Variants in MCMBP observed in about 807,000 individuals in gnomAD.
MCMBP encodes mini-chromosome maintenance complex-binding protein.
MCMBP carries 31 observed loss-of-function variants against 81.3 expected under a neutral mutation model. That is an observed-to-expected ratio of 0.38 (90% CI 0.29 to 0.51). The LOEUF (loss-of-function observed/expected upper bound fraction) is 0.51. Ranked by LOEUF, MCMBP falls within the 20% of genes least tolerant of loss-of-function variation. The pLI is 0.87. For missense variants in MCMBP, 645 were observed against 772.1 expected, an observed-to-expected ratio of 0.84 and a Z score of 1.95; for synonymous variants, 267 against 275.9, an observed-to-expected ratio of 0.97 and a Z score of 0.32.
intron 15 of MCMBP, 51 bp from the exon 16 acceptor site, chr10:119,831,651 T>C (rs1430230085): frequency 2.5e-6 from 4 of 1,590,134 alleles, no homozygotes; most frequent in Non-Finnish European, 2.6e-6. Flanking sequence ...GATAGTAAGT[T>C]TTAAATTTTT....
intron 15 of MCMBP, 47 bp from the exon 16 acceptor site, chr10:119,831,647 A>T: frequency 6.3e-7 from 1 of 1,594,938 alleles, no homozygotes; most frequent in Non-Finnish European, 8.5e-7. Context: ...CTGGGATAGT[A>T]AGTTTTAAAT....
chr10:119,857,816 C>G (rs1309640040), intron 4 of MCMBP: 1 of 155,074 alleles, frequency 6.4e-6, no homozygotes, highest in Non-Finnish European at 1.4e-5. Context: ...ACCCCAATAT[C>G]AGTCCGTTAA....
At chr10:119,837,960 C>G (rs1038126866) in intron 12 of MCMBP, among the ~76,000 whole-genome samples, 18 of 152,028 alleles carry the variant, frequency 1.2e-4, no homozygotes, top group Non-Finnish European at 2.5e-4. Flanking sequence ...TCACTTGAGC[C>G]CAGGAATTCA....
chr10:119,829,798 ATTTGGGACG>A lies in MCMBP; in HGVS notation c.*1667_*1675del, dbSNP rs1275423487. On this transcript the variant is annotated 3_prime_UTR_variant, in exon 16 of 16. Coordinates refer to ENST00000369077, the MANE Select transcript of MCMBP (RefSeq NM_001256378.2). ...TGAAAAACAGCCCAAGGTACTGCTA[ATTTGGGACG>A]TTTTATTTATTGGAAAGGTTCTTTC... 1.3e-5 allele frequency: 2 copies of A among 152,170 alleles called. No individual in the cohort carries two copies. The highest frequency in any genetic ancestry group is 4.8e-5 in the African/African-American group (2 of 41,446). 9.4% of individuals were successfully genotyped at this position (152,170 alleles called of 1,614,324 possible). A position where few individuals can be genotyped will look rare whatever the true frequency, so the allele number is the denominator to read the frequency against.
intron 5 of MCMBP, among the ~76,000 whole-genome samples, chr10:119,854,388 T>G (rs1852944533): frequency 6.6e-6 from 1 of 151,456 alleles, no homozygotes; most frequent in African/African-American, 2.4e-5. Context: ...AAATTCTATA[T>G]CCAATGAAAA....
intron 1 of MCMBP, among the ~76,000 whole-genome samples, chr10:119,870,401 T>C (rs1853629718): frequency 6.6e-6 from 1 of 151,758 alleles, no homozygotes; most frequent in African/African-American, 2.4e-5. Flanking sequence ...GAGCCGAGAT[T>C]GCGCTACTGC....
intron 8 of MCMBP, among the ~76,000 whole-genome samples, chr10:119,846,541 G>A (rs1185450692): frequency 1.3e-5 from 2 of 152,168 alleles, no homozygotes; most frequent in Non-Finnish European, 2.9e-5. Flanking sequence ...CAATTACAAA[G>A]TGAGAAATGT....
In MCMBP at chr10:119,867,292, CAAAAAAAAAAAAA is replaced by C. The variant is rs372338008; in HGVS notation, c.58+5222_58+5234del. On this transcript the variant is annotated intron_variant, in intron 1 of 15. Transcript: ENST00000369077. ...TGGGCGACAGAGCGAGACTCCATCT[CAAAAAAAAAAAAA>C]AAAAAAAAAAAAAAAAGTGGTTACT... Among the ~76,000 whole-genome samples the C allele has an allele frequency of 2.2e-3, 106 of 48,742 alleles. 2 individuals carry two copies. The South Asian group carries it at 0.052, about 24-fold the overall frequency. The allele number at this position is 48,742 out of a possible 152,430, so 32.0% of individuals were successfully genotyped here.
rs755188842 is a variant in MCMBP, at chr10:119,858,945, A to G, written c.286-20T>C. On this transcript the variant is annotated intron_variant, in intron 3 of 15. Transcript: ENST00000369077. ...AAGAACCTATGACCCCAAACATAGAAAAACAGAATTATATCAATATATCTG... is the reference window on the plus strand; with the variant it reads ...AAGAACCTATGACCCCAAACATAGAGAAACAGAATTATATCAATATATCTG... 8 of 1,612,134 alleles carry G rather than the reference A, an allele frequency of 5.0e-6. No homozygotes were observed. In the Admixed American group the frequency reaches 1.3e-4, roughly 27 times the overall value.
At chr10:119,851,832 A>C (rs1156989327) in intron 6 of MCMBP, among the ~76,000 whole-genome samples, 1 of 152,212 alleles carries the variant, frequency 6.6e-6, no homozygotes, top group Non-Finnish European at 1.5e-5. Context: ...AAAATTCATT[A>C]GTAAATCCCT....
intron 8 of MCMBP, among the ~76,000 whole-genome samples, chr10:119,846,373 T>G (rs541602263): frequency 2.1e-4 from 32 of 152,336 alleles, no homozygotes; most frequent in Admixed American, 1.6e-3. Flanking sequence ...TCTTTTATAG[T>G]AGAATGCCAA....
intron 10 of MCMBP, among the ~76,000 whole-genome samples, chr10:119,841,677 T>A (rs1019824698): frequency 6.6e-6 from 1 of 152,178 alleles, no homozygotes; most frequent in African/African-American, 2.4e-5. Context: ...AGGTTCTAAG[T>A]GGTGAAATTA....
intron 4 of MCMBP, among the ~76,000 whole-genome samples, chr10:119,858,452 G>T (rs1228266721): frequency 6.7e-6 from 1 of 150,342 alleles, no homozygotes; most frequent in Non-Finnish European, 1.5e-5. Flanking sequence ...CTTTCCTAGG[G>T]AATAATATAT....
At chr10:119,840,087 G>A (rs1166375563) in intron 11 of MCMBP, among the ~76,000 whole-genome samples, 1 of 152,130 alleles carries the variant, frequency 6.6e-6, no homozygotes, top group Non-Finnish European at 1.5e-5. Context: ...TTTAATAGGT[G>A]TATTTACTTT....
At chr10:119,833,632 T>TA (rs1306666861) in intron 14 of MCMBP, among the ~76,000 whole-genome samples, 1 of 152,146 alleles carries the variant, frequency 6.6e-6, no homozygotes, top group African/African-American at 2.4e-5. Flanking sequence ...CTGTGCTACT[T>TA]ACTATTCCAG....
In MCMBP at chr10:119,832,119, T is replaced by C. The variant is rs748346943; in HGVS notation, c.1708-19A>G. 2 of 1,600,376 alleles carry C rather than the reference T, an allele frequency of 1.2e-6. No individual in the cohort carries two copies. Among genetic ancestry groups the C allele is most frequent in the African/African-American group, 2.7e-5 (2 of 74,314 alleles). ...CAACTGCCTTTATCAAAAGAGTAAA[T>C]GTAAATGATGTGCATTTTTGTAAGG... On this transcript the variant is annotated intron_variant, in intron 14 of 15. Coordinates refer to ENST00000369077, the MANE Select transcript of MCMBP (RefSeq NM_001256378.2).
At chr10:119,849,379 G>A (rs1852729104) in intron 7 of MCMBP, 46 bp downstream of exon 7, 3 of 1,573,384 alleles carry the variant, frequency 1.9e-6, no homozygotes, top group Admixed American at 1.9e-5. Context: ...GCTACTTTCT[G>A]AGACACATAA....
chr10:119,846,462 T>A (rs1189164815), intron 8 of MCMBP, among the ~76,000 whole-genome samples: 1 of 152,128 alleles, frequency 6.6e-6, no homozygotes, highest in Non-Finnish European at 1.5e-5. Context: ...AATGCTAAAA[T>A]AAATTGGTGA....
intron 14 of MCMBP, among the ~76,000 whole-genome samples, chr10:119,834,924 A>G (rs1449182751): frequency 2.0e-5 from 3 of 152,142 alleles, no homozygotes; most frequent in South Asian, 2.1e-4. Context: ...AGAAACACTA[A>G]AGACAGTTCT....
Sources: gnomAD v4.1 joint callset for allele counts (sites outside exome capture counted in the v4.1 genomes callset) on GRCh38, gnomAD v4.1.1 for gene constraint, MANE v1.5 for transcripts, NCBI Gene and HGNC (gene_info 2026-07-23, HGNC 2026-07-21) for gene names.